RAD51: variants seen among roughly 807,000 people sequenced by gnomAD.
RAD51 encodes RAD51 recombinase.
A neutral mutation model predicts 41.5 loss-of-function variants in RAD51; 14 were observed. The observed-to-expected ratio is 0.34, with a 90% confidence interval of 0.22 to 0.53. The LOEUF is 0.53. RAD51 is among the 20% of genes least tolerant of loss of function. The pLI, the probability that RAD51 is intolerant of heterozygous loss-of-function variation, is 0.95. For missense variants in RAD51, 234 were observed against 422.0 expected (o/e 0.55, Z 3.90); for synonymous variants, 136 against 148.6 (o/e 0.92, Z 0.62).
rs145745388 is a variant in RAD51 at position 40,701,081 on chromosome 15, C to T, written c.105C>T (p.Ala35=). The stretch of plus-strand genomic sequence containing the variant: ...ATTTGCAGCAGTGTGGCATAAATGC[C>T]AACGATGTGAAGAAATTGGAAGAAG... ...ISRLEQCGIN[A]NDVKKLEEAG... The change falls in exon 3 of 10, where the codon GCC becomes GCT. Residue 35 remains alanine, a synonymous_variant. Transcript: ENST00000267868. 6.2e-7 allele frequency: 1 copy of T among 1,614,048 alleles called. No homozygotes were observed. Among genetic ancestry groups the T allele is most frequent in the African/African-American group, 1.3e-5 (1 of 74,908 alleles).
At chr15:40,728,871 C>T (rs1567054927) in intron 7 of RAD51, 47 bp downstream of exon 7, 2 of 1,492,404 alleles carry the variant, frequency 1.3e-6, no homozygotes, top group Non-Finnish European at 1.9e-6. Flanking sequence ...AGAGTCCTTC[C>T]CTGAATCTTG....
intron 6 of RAD51, among the ~76,000 whole-genome samples, 158 bp downstream of exon 6, chr15:40,719,057 C>CTT (rs938761449): frequency 2.1e-5 from 3 of 144,826 alleles, no homozygotes; most frequent in Non-Finnish European, 1.5e-5. Flanking sequence ...AAAAGGCATT[C>CTT]TTTTTTTTTT....
intron 6 of RAD51, among the ~76,000 whole-genome samples, chr15:40,719,915 T>A (rs890329846): frequency 9.9e-5 from 15 of 151,844 alleles, no homozygotes; most frequent in Admixed American, 7.9e-4. Flanking sequence ...ATAACAGTTG[T>A]AAAGATACAC....
chr15:40,698,438 G>C (rs182325368), intron 1 of RAD51, among the ~76,000 whole-genome samples: 1 of 151,996 alleles, frequency 6.6e-6, no homozygotes, highest in Non-Finnish European at 1.5e-5. Flanking sequence ...TGCCCGCCTC[G>C]GCCTCCCAAA....
At chr15:40,707,741 A>G (rs1895442445) in intron 4 of RAD51, among the ~76,000 whole-genome samples, 1 of 151,794 alleles carries the variant, frequency 6.6e-6, no homozygotes, top group Non-Finnish European at 1.5e-5. Flanking sequence ...TTTTAAAGAC[A>G]GAGTCTTGCT....
chr15:40,697,022 T>C (rs1483080291), intron 1 of RAD51, among the ~76,000 whole-genome samples: 1 of 152,234 alleles, frequency 6.6e-6, no homozygotes, highest in Non-Finnish European at 1.5e-5. Flanking sequence ...TTCTCTACTG[T>C]GGTTTGACTT....
chr15:40,698,876 T>C (rs1371020817), intron 2 of RAD51, 31 bp downstream of exon 2: 4 of 1,589,558 alleles, frequency 2.5e-6, no homozygotes, highest in Non-Finnish European at 2.6e-6. Flanking sequence ...TTTGGAATTA[T>C]ATACTAGATT....
chr15:40,727,608 G>A (rs1163422420), intron 6 of RAD51, among the ~76,000 whole-genome samples: 1 of 151,916 alleles, frequency 6.6e-6, no homozygotes, highest in Non-Finnish European at 1.5e-5. Flanking sequence ...GAGCCACTGC[G>A]CCCAGCCATA....
At chr15:40,712,886 T>TTC (rs1895779879) in intron 5 of RAD51, among the ~76,000 whole-genome samples, 2 of 145,032 alleles carry the variant, frequency 1.4e-5, no homozygotes, top group South Asian at 4.4e-4. Flanking sequence ...TCTTTTTTTT[T>TTC]TTTTTTTTTT....
chr15:40,724,889 A>ATTTTTTTTTTTTTTTTTTTTTTTTT (rs34086110), intron 6 of RAD51, among the ~76,000 whole-genome samples: 1 of 55,410 alleles, frequency 1.8e-5, no homozygotes. Flanking sequence ...ATTTTTTTTA[A>ATTTTTTTTTTTTTTTTTTTTTTTTT]TTTTTTTTTT....
intron 2 of RAD51, 46 bp downstream of exon 2, chr15:40,698,891 T>A: frequency 6.5e-7 from 1 of 1,534,830 alleles, no homozygotes; most frequent in Non-Finnish European, 9.0e-7. Context: ...TAGATTCTTC[T>A]ACCTAGTGGA....
intron 3 of RAD51, among the ~76,000 whole-genome samples, chr15:40,703,484 A>T (rs1277747705): frequency 6.6e-6 from 1 of 152,204 alleles, no homozygotes; most frequent in Admixed American, 6.5e-5. Context: ...GGGAAATTTA[A>T]ACATTATGAA....
chr15:40,724,674 CTTT>C (rs869156620), intron 6 of RAD51, among the ~76,000 whole-genome samples: 2 of 94,346 alleles, frequency 2.1e-5, no homozygotes, highest in Non-Finnish European at 3.8e-5. Context: ...TTTTTTATTT[CTTT>C]TTTTTTTTTT....
At chr15:40,724,506 T>C (rs923409308) in intron 6 of RAD51, among the ~76,000 whole-genome samples, 1 of 151,904 alleles carries the variant, frequency 6.6e-6, no homozygotes, top group Non-Finnish European at 1.5e-5. Flanking sequence ...CAAAAAATTT[T>C]TTGTTGTTTG....
intron 9 of RAD51, among the ~76,000 whole-genome samples, chr15:40,730,520 C>CTTTTTTTTTTTTTTTTTTTTT (rs778467789): frequency 8.8e-6 from 1 of 113,108 alleles, no homozygotes; most frequent in Non-Finnish European, 1.7e-5. Context: ...AATTTTTTTT[C>CTTTTTTTTTTTTTTTTTTTTT]TTTTTTTTTT....
rs902975040 is a variant in RAD51 at position 40,731,332 on chromosome 15, A to G, written c.*154A>G. On this transcript the variant is annotated 3_prime_UTR_variant, in exon 10 of 10. Transcript: ENST00000267868. ...ATTATATCAGCTTTTCTGATGGTAT[A>G]AACAGGAGACAGGTCAGTAGTCACA... 3.1e-6 allele frequency: 3 copies of G among 972,798 alleles called. No individual in the cohort carries two copies. In the African/African-American group the frequency reaches 4.9e-5, roughly 16 times the overall value. 60.3% of individuals were successfully genotyped at this position (972,798 alleles called of 1,614,324 possible).
At chr15:40,706,101 A>T in intron 3 of RAD51, 76 bp from the exon 4 acceptor site, 1 of 1,018,798 alleles carries the variant, frequency 9.8e-7, no homozygotes, top group Admixed American at 1.8e-5. Flanking sequence ...TTTTCTTTAT[A>T]TATATTTTTT....
intron 5 of RAD51, among the ~76,000 whole-genome samples, chr15:40,710,753 T>A (rs1217767112): frequency 2.0e-5 from 3 of 152,130 alleles, no homozygotes; most frequent in Non-Finnish European, 4.4e-5. Context: ...GTGCCCATCT[T>A]TTCTTATCTC....
chr15:40,704,596 G>A (rs1302821682), intron 3 of RAD51, among the ~76,000 whole-genome samples: 2 of 150,202 alleles, frequency 1.3e-5, no homozygotes, highest in Non-Finnish European at 3.0e-5. Flanking sequence ...TCCTGACTTC[G>A]TGATCTGCCC....
Sources: gnomAD v4.1 joint callset for allele counts (sites outside exome capture counted in the v4.1 genomes callset) on GRCh38, gnomAD v4.1.1 for gene constraint, MANE v1.5 for transcripts, NCBI Gene and HGNC (gene_info 2026-07-23, HGNC 2026-07-21) for gene names.